Variants in GNAQ observed in about 807,000 individuals in gnomAD.
GNAQ encodes guanine nucleotide-binding protein G(q) subunit alpha.
GNAQ carries 8 observed loss-of-function variants against 43.9 expected under a neutral mutation model. The ratio of observed to expected loss-of-function variants is 0.18; its 90% CI spans 0.11 to 0.33. The LOEUF (loss-of-function observed/expected upper bound fraction) is 0.33, where lower values mean the gene tolerates loss of function less well. Among genes scored for constraint, GNAQ ranks in the 10% least tolerant of loss-of-function variants. The probability of loss-of-function intolerance (pLI) is 1.00; values close to 1 mark genes in which losing one functional copy is unlikely to be tolerated. For missense variants in GNAQ, 158 were observed against 450.8 expected (o/e 0.35, Z 5.88); for synonymous variants, 155 against 170.7 (o/e 0.91, Z 0.71).
chr9:77,989,510 G>C (rs1350029151), intron 1 of GNAQ, among the ~76,000 whole-genome samples: 1 of 152,234 alleles, frequency 6.6e-6, no homozygotes, highest in African/African-American at 2.4e-5. Flanking sequence ...TGTTAGAAGG[G>C]CTCTGGGGAA....
chr9:77,913,447 C>G (rs534836697), intron 2 of GNAQ, among the ~76,000 whole-genome samples: 12 of 152,204 alleles, frequency 7.9e-5, no homozygotes, highest in Admixed American at 3.9e-4. Context: ...CTCAGTTACA[C>G]TAGGCACATT....
chr9:77,971,840 T>C (rs1410833166), intron 1 of GNAQ, among the ~76,000 whole-genome samples: 1 of 152,236 alleles, frequency 6.6e-6, no homozygotes, highest in African/African-American at 2.4e-5. Context: ...TGGTTTGTAG[T>C]TCTCCTTGAA....
intron 1 of GNAQ, among the ~76,000 whole-genome samples, chr9:77,980,319 C>G (rs570483448): frequency 9.8e-4 from 149 of 152,210 alleles, no homozygotes; most frequent in Non-Finnish European, 2.0e-3. Context: ...AAGTGTCTCT[C>G]GAATTAGCCA....
At chr9:77,789,687 C>T (rs1826536596) in intron 5 of GNAQ, among the ~76,000 whole-genome samples, 1 of 152,018 alleles carries the variant, frequency 6.6e-6, no homozygotes, top group Non-Finnish European at 1.5e-5. Context: ...ATATTAAATA[C>T]ACTATTCCAC....
chr9:77,891,258 T>C (rs2118109111), intron 2 of GNAQ, among the ~76,000 whole-genome samples: 1 of 152,300 alleles, frequency 6.6e-6, no homozygotes, highest in East Asian at 1.9e-4. Context: ...TAGCCAGCCC[T>C]ATCACACGTT....
At chr9:77,957,586 A>G (rs1031469481) in intron 1 of GNAQ, among the ~76,000 whole-genome samples, 6 of 152,116 alleles carry the variant, frequency 3.9e-5, no homozygotes, top group African/African-American at 1.4e-4. Flanking sequence ...GTTTTTTCCA[A>G]CTAGGTCAGA....
intron 2 of GNAQ, among the ~76,000 whole-genome samples, chr9:77,889,898 C>T (rs1361016204): frequency 2.0e-5 from 3 of 152,098 alleles, no homozygotes; most frequent in African/African-American, 4.8e-5. Context: ...CTTTTGCTTC[C>T]ATCTTTCCAG....
intron 2 of GNAQ, among the ~76,000 whole-genome samples, chr9:77,900,406 G>A (rs1483493576): frequency 6.6e-6 from 1 of 152,128 alleles, no homozygotes; most frequent in East Asian, 1.9e-4. Flanking sequence ...TGTTATCAAT[G>A]TTCTCCATTT....
intron 1 of GNAQ, among the ~76,000 whole-genome samples, chr9:77,996,677 CAAAAAAA>C (rs3083223): frequency 0.3 from 32,160 of 106,512 alleles, 3,711 homozygotes; most frequent in South Asian, 0.47. Context: ...GACTCCATCT[CAAAAAAA>C]AAAAAAAAAA....
intron 2 of GNAQ, among the ~76,000 whole-genome samples, chr9:77,881,669 C>T (rs1273506609): frequency 6.6e-5 from 10 of 152,172 alleles, no homozygotes; most frequent in Non-Finnish European, 1.0e-4. Context: ...CAGGCATGAG[C>T]CACCATGCCT....
At chr9:77,760,452 G>A (rs965600738) in intron 5 of GNAQ, among the ~76,000 whole-genome samples, 5 of 152,072 alleles carry the variant, frequency 3.3e-5, no homozygotes, top group South Asian at 2.1e-4. Context: ...CGAGTGATCC[G>A]CCAGCCTCGG....
At chr9:77,751,807 CAAACAAACAA>C (rs1240014110) in intron 5 of GNAQ, among the ~76,000 whole-genome samples, 1 of 151,848 alleles carries the variant, frequency 6.6e-6, no homozygotes, top group African/African-American at 2.4e-5. Flanking sequence ...AACAAACAAA[CAAACAAACAA>C]AAAAAACAAA....
intron 5 of GNAQ, among the ~76,000 whole-genome samples, chr9:77,763,150 A>AAAAAC (rs1554714139): frequency 1.6e-4 from 24 of 151,840 alleles, no homozygotes; most frequent in African/African-American, 5.8e-4. Context: ...ACAAAAAAAA[A>AAAAAC]AAAAACAAAG....
In GNAQ at chr9:77,762,111, C is replaced by T. The variant is rs569565399; in HGVS notation, c.735+32352G>A. Among the ~76,000 whole-genome samples the T allele has an allele frequency of 1.6e-3, 204 of 126,390 alleles. 2 individuals carry two copies. The highest frequency in any genetic ancestry group is 6.0e-3 in the African/African-American group (195 of 32,492). The allele number at this position is 126,390 out of a possible 152,430, so 82.9% of individuals were successfully genotyped here. On this transcript the variant is annotated intron_variant, in intron 5 of 6. Coordinates refer to ENST00000286548, the MANE Select transcript of GNAQ (RefSeq NM_002072.5). ...CCCCCGCCTGGCCAGCCGCCCCATC[C>T]GGGAGGGAGGTGGGGGGTCAGCCCC... is the stretch of plus-strand genomic sequence containing the variant.
intron 2 of GNAQ, among the ~76,000 whole-genome samples, chr9:77,846,714 C>T (rs939735493): frequency 6.6e-6 from 1 of 152,116 alleles, no homozygotes; most frequent in African/African-American, 2.4e-5. Flanking sequence ...AGGCTCTCTC[C>T]TTGGTTAATC....
intron 2 of GNAQ, among the ~76,000 whole-genome samples, chr9:77,840,349 T>G (rs1053201803): frequency 9.9e-6 from 1 of 101,360 alleles, no homozygotes; most frequent in East Asian, 2.5e-4. Flanking sequence ...TTTGATTACT[T>G]TTTGTTTTTT....
chr9:77,972,134 C>A (rs1204136556), intron 1 of GNAQ, among the ~76,000 whole-genome samples: 4 of 151,294 alleles, frequency 2.6e-5, no homozygotes, highest in Non-Finnish European at 5.9e-5. Flanking sequence ...AAGGAAAGTT[C>A]TAGCCAAAAT....
At position 77,762,011 on chromosome 9, in the gene GNAQ, C is replaced by A. The variant is rs1268108355; in HGVS notation, c.735+32452G>T. Among the ~76,000 whole-genome samples the A allele has an allele frequency of 2.8e-5, 4 of 140,366 alleles. No homozygotes were observed. In the East Asian group the frequency reaches 6.7e-4, roughly 24 times the overall value. 92.1% of individuals were successfully genotyped at this position (140,366 alleles called of 152,430 possible). The stretch of plus-strand genomic sequence containing the variant: ...GGAGGTGAGGGGCGCCTCTGCCCGG[C>A]CGCCCCTCCTGGGAAGTGAGGAGCC... On this transcript the variant is annotated intron_variant, in intron 5 of 6. Transcript: ENST00000286548.
intron 2 of GNAQ, among the ~76,000 whole-genome samples, chr9:77,827,026 C>A (rs1204363406): frequency 6.6e-6 from 1 of 152,136 alleles, no homozygotes; most frequent in Non-Finnish European, 1.5e-5. Context: ...ATTTTAAATT[C>A]TCAAGATATG....
Sources: allele counts gnomAD v4.1 joint callset (sites outside exome capture counted in the v4.1 genomes callset), GRCh38; gene constraint gnomAD v4.1.1; transcripts MANE v1.5; gene names NCBI Gene and HGNC (gene_info 2026-07-23, HGNC 2026-07-21).